Variants in POLA1 observed in about 807,000 individuals in gnomAD.
POLA1 encodes DNA polymerase alpha 1, catalytic subunit, also known as DNA polymerase alpha catalytic subunit.
In POLA1, 15 loss-of-function variants were observed where a neutral mutation model predicts 124.0. That is an observed-to-expected ratio of 0.12 (90% CI 0.08 to 0.19). POLA1 has a LOEUF of 0.19. POLA1 is among the 10% of genes least tolerant of loss of function. The probability of loss-of-function intolerance (pLI) is 1.00; values close to 1 mark genes in which losing one functional copy is unlikely to be tolerated. For missense variants in POLA1, 886 were observed against 1,103.4 expected, an observed-to-expected ratio of 0.80 and a Z score of 2.79; for synonymous variants, 408 against 389.4, an observed-to-expected ratio of 1.05 and a Z score of -0.56.
At chrX:24,713,156 G>A (rs1027341643) in intron 4 of POLA1, among the ~76,000 whole-genome samples, 18 of 110,199 alleles carry the variant, frequency 1.6e-4, no homozygotes, top group African/African-American at 5.6e-4. Context: ...GTAGAGACAG[G>A]GTTTCAGCAT....
intron 26 of POLA1, among the ~76,000 whole-genome samples, chrX:24,792,265 C>CT (rs1322374445): frequency 1.8e-5 from 2 of 111,201 alleles, no homozygotes; most frequent in East Asian, 2.8e-4. Context: ...TGTTAAGCAC[C>CT]CCCCTCCCCA....
intron 34 of POLA1, among the ~76,000 whole-genome samples, chrX:24,872,601 A>G (rs781631040): frequency 8.9e-6 from 1 of 111,808 alleles, no homozygotes; most frequent in East Asian, 2.8e-4. Flanking sequence ...GGTTTTTACA[A>G]TTAGGATATT....
intron 16 of POLA1, among the ~76,000 whole-genome samples, 191 bp from the exon 17 acceptor site, chrX:24,733,564 T>C (rs1266615062): frequency 3.6e-5 from 4 of 111,830 alleles, no homozygotes; most frequent in Non-Finnish European, 7.5e-5. Context: ...TGCAGGGACT[T>C]AGGGTTCTGT....
chrX:24,980,457 T>C (rs2048408749), intron 36 of POLA1, among the ~76,000 whole-genome samples: 1 of 112,042 alleles, frequency 8.9e-6, no homozygotes, highest in Admixed American at 9.4e-5. Flanking sequence ...GCATGATATT[T>C]AGCAGCAAGA....
chrX:24,783,912 A>T (rs1036462466), intron 26 of POLA1, among the ~76,000 whole-genome samples: 1 of 111,552 alleles, frequency 9.0e-6, no homozygotes, highest in South Asian at 3.7e-4. Context: ...TAGTGACTAC[A>T]GTGAGTACAG....
intron 36 of POLA1, among the ~76,000 whole-genome samples, chrX:24,995,253 C>A (rs1419532116): frequency 1.8e-5 from 2 of 111,021 alleles, no homozygotes; most frequent in Non-Finnish European, 3.8e-5. Flanking sequence ...GAAATCTTGG[C>A]CATGGACAGA....
At chrX:24,983,869 C>T (rs2048450148) in intron 36 of POLA1, among the ~76,000 whole-genome samples, 1 of 111,002 alleles carries the variant, frequency 9.0e-6, no homozygotes, top group Non-Finnish European at 1.9e-5. Flanking sequence ...CTCTAAGCAC[C>T]ATTTGCCTCT....
At chrX:24,732,180 C>G (rs994910691) in intron 15 of POLA1, among the ~76,000 whole-genome samples, 190 bp from the exon 16 acceptor site, 2 of 111,749 alleles carry the variant, frequency 1.8e-5, no homozygotes, top group African/African-American at 3.3e-5. Context: ...GTCTCGAACT[C>G]CTGACCTCAA....
intron 36 of POLA1, among the ~76,000 whole-genome samples, chrX:24,971,987 AGACCG>A (rs2048308308): frequency 9.2e-6 from 1 of 108,460 alleles, no homozygotes; most frequent in African/African-American, 3.4e-5. Flanking sequence ...ATTTTATTTT[AGACCG>A]AGTTTCACTC....
At position 24,996,066 on chromosome X, in the gene POLA1, C is replaced by T. The variant is rs945127843; in HGVS notation, c.*116C>T. 1.5e-5 allele frequency: 10 copies of T among 646,621 alleles called. No individual in the cohort carries two copies. Among genetic ancestry groups the T allele is most frequent in the Non-Finnish European group, 2.3e-5 (10 of 426,739 alleles). The allele number at this position is 646,621 out of a possible 1,213,427, so 53.3% of individuals were successfully genotyped here. On this transcript the variant is annotated 3_prime_UTR_variant, in exon 37 of 37. Coordinates refer to ENST00000379068, the MANE Select transcript of POLA1 (RefSeq NM_001330360.2). ...CTGTTTCTCCCTTGGGACTGTGTCT[C>T]ATGTTTGTGTGAATGTAGACCAGGA...
Position 24,699,569 on chromosome X carries a change from CT to C in POLA1, c.168+23del. ...TATGAAGTAAGTAACCATTTTTCTTCTTTATTCTTCCTGTGCATCATCTAAT... is the reference window on the plus strand; with the variant it reads ...TATGAAGTAAGTAACCATTTTTCTTCTTATTCTTCCTGTGCATCATCTAAT... On this transcript the variant is annotated intron_variant, in intron 2 of 36. Coordinates refer to ENST00000379068, the MANE Select transcript of POLA1 (RefSeq NM_001330360.2). 9.0e-7 allele frequency: 1 copy of C among 1,116,820 alleles called. No individual in the cohort carries two copies. Among genetic ancestry groups the C allele is most frequent in the Admixed American group, 2.7e-5 (1 of 37,494 alleles). 92.0% of individuals were successfully genotyped at this position (1,116,820 alleles called of 1,213,427 possible).
intron 26 of POLA1, among the ~76,000 whole-genome samples, chrX:24,793,884 C>T (rs1001951540): frequency 9.0e-6 from 1 of 111,159 alleles, no homozygotes; most frequent in Non-Finnish European, 1.9e-5. Context: ...CGTGCCCGTC[C>T]GAAGAGAGCC....
chrX:24,947,232 T>C (rs973519448), intron 36 of POLA1, among the ~76,000 whole-genome samples: 8 of 103,658 alleles, frequency 7.7e-5, no homozygotes, highest in African/African-American at 2.4e-4. Flanking sequence ...AGCTGGTTGT[T>C]TTCCCTGCAG....
At chrX:24,866,162 T>A (rs1339081240) in intron 34 of POLA1, among the ~76,000 whole-genome samples, 1 of 112,256 alleles carries the variant, frequency 8.9e-6, no homozygotes, top group Non-Finnish European at 1.9e-5. Flanking sequence ...TCCGTGGTAA[T>A]CACAGGAGTC....
chrX:24,878,761 A>G (rs1488892343), intron 34 of POLA1, among the ~76,000 whole-genome samples: 1 of 110,628 alleles, frequency 9.0e-6, no homozygotes, highest in East Asian at 2.8e-4. Context: ...TTTTTTAAGA[A>G]CAGACTATTT....
rs61464840 is a variant in POLA1 at position 24,971,931 on chromosome X, G to GATTTTATTTTATTTTATTTTATTTT, written c.4262-23842_4262-23818dup. 8.0e-3 allele frequency among the ~76,000 whole-genome samples: 691 copies of GATTTTATTTTATTTTATTTTATTTT among 86,896 alleles called. 19 individuals are homozygous for GATTTTATTTTATTTTATTTTATTTT. Among genetic ancestry groups the GATTTTATTTTATTTTATTTTATTTT allele is most frequent in the Middle Eastern group, 0.022 (4 of 179 alleles). 75.5% of individuals were successfully genotyped at this position (86,896 alleles called of 115,157 possible). ...TCATGAAAAGGGAATGGATGTGGAA[G>GATTTTATTTTATTTTATTTTATTTT]ATTTTATTTTATTTTATTTTATTTT... On this transcript the variant is annotated intron_variant, in intron 36 of 36. Coordinates refer to ENST00000379068, the MANE Select transcript of POLA1 (RefSeq NM_001330360.2).
chrX:24,802,400 A>G (rs1256453209), intron 26 of POLA1, among the ~76,000 whole-genome samples: 1 of 111,596 alleles, frequency 9.0e-6, no homozygotes, highest in Non-Finnish European at 1.9e-5. Flanking sequence ...ATGAACCTAA[A>G]ATATTTTGAG....
chrX:24,861,801 A>C (rs1335296543), intron 34 of POLA1, among the ~76,000 whole-genome samples: 3 of 112,510 alleles, frequency 2.7e-5, no homozygotes, highest in Non-Finnish European at 5.6e-5. Context: ...TTTGAACTGC[A>C]TAAATGTTAA....
rs150514156 is a variant in POLA1, at chrX:24,995,926, C to T, written c.4383C>T (p.Phe1461=). 3.9e-5 allele frequency: 47 copies of T among 1,208,383 alleles called. No homozygotes were observed. Among genetic ancestry groups the T allele is most frequent in the African/African-American group, 3.7e-4 (21 of 56,888 alleles). The part of the protein sequence containing the change: ...GYSEVNLSKL[F]AGCAVKS ...CCGAAGTGAATCTGAGCAAACTCTTCGCTGGTTGTGCCGTGAAATCCTAAG... is the reference window on the plus strand; with the variant it reads ...CCGAAGTGAATCTGAGCAAACTCTTTGCTGGTTGTGCCGTGAAATCCTAAG... Residue 1461 remains phenylalanine, a synonymous_variant, in exon 37 of 37, where the codon TTC becomes TTT. Transcript: ENST00000379068.
Sources: allele counts gnomAD v4.1 joint callset (sites outside exome capture counted in the v4.1 genomes callset), GRCh38; gene constraint gnomAD v4.1.1; transcripts MANE v1.5; gene names NCBI Gene and HGNC (gene_info 2026-07-23, HGNC 2026-07-21).